CCDC57: variants seen among roughly 807,000 people sequenced by gnomAD.
The protein encoded by CCDC57 is coiled-coil domain-containing protein 57.
Under a neutral mutation model 118.9 loss-of-function variants are expected in CCDC57, and 118 were observed. The observed-to-expected ratio is 0.99, with a 90% CI of 0.86 to 1.16. The LOEUF is 1.16. Among genes scored for constraint, CCDC57 ranks in the 50% most tolerant of loss-of-function variants. The pLI is 0.00. For synonymous variants in CCDC57, 527 were observed against 532.9 expected, an observed-to-expected ratio of 0.99 and a Z score of 0.15; for missense variants, 1,300 against 1,320.7, an observed-to-expected ratio of 0.98 and a Z score of 0.24.
At chr17:82,176,875 T>C (rs1170267366) in intron 11 of CCDC57, among the ~76,000 whole-genome samples, 1 of 150,524 alleles carries the variant, frequency 6.6e-6, no homozygotes, top group Non-Finnish European at 1.5e-5. Context: ...GCTTCTAGGA[T>C]GGTAGAGAGC....
intron 19 of CCDC57, among the ~76,000 whole-genome samples, chr17:82,111,440 G>A (rs1363539117): frequency 6.8e-6 from 1 of 147,912 alleles, no homozygotes; most frequent in Non-Finnish European, 1.5e-5. Flanking sequence ...GCGCAGTGGC[G>A]TGATCGTGGC....
intron 17 of CCDC57, among the ~76,000 whole-genome samples, chr17:82,131,361 G>A (rs1240591338): frequency 6.6e-6 from 1 of 151,584 alleles, no homozygotes; most frequent in Admixed American, 6.6e-5. Context: ...AACCTGGGAG[G>A]CAGAGGTTGC....
chr17:82,117,976 A>G (rs1486740260), intron 19 of CCDC57, among the ~76,000 whole-genome samples: 2 of 152,200 alleles, frequency 1.3e-5, no homozygotes, highest in Non-Finnish European at 2.9e-5. Flanking sequence ...TTAAGAGCTA[A>G]AAACGACAGG....
chr17:82,101,914 A>G, intron 19 of CCDC57, 48 bp from the exon 19 acceptor site: 1 of 1,493,818 alleles, frequency 6.7e-7, no homozygotes, highest in Non-Finnish European at 9.0e-7. Flanking sequence ...TGGCAGGGGG[A>G]GCAGGAGGCT....
At chr17:82,111,766 C>G (rs1598624859) in intron 19 of CCDC57, among the ~76,000 whole-genome samples, 1 of 151,560 alleles carries the variant, frequency 6.6e-6, no homozygotes. Flanking sequence ...GCCACCATGC[C>G]CAGCTAATTT....
chr17:82,128,672 A>G, intron 17 of CCDC57, 75 bp from the exon 17 acceptor site: 1 of 1,188,008 alleles, frequency 8.4e-7, no homozygotes, highest in Non-Finnish European at 1.2e-6. Flanking sequence ...GTTTTCCCAC[A>G]AGATTGGGAA....
At chr17:82,195,790 G>A (rs971421603) in intron 4 of CCDC57, among the ~76,000 whole-genome samples, 1 of 152,094 alleles carries the variant, frequency 6.6e-6, no homozygotes, top group South Asian at 2.1e-4. Context: ...CTGAGATGCC[G>A]GCAGTAGAAC....
intron 11 of CCDC57, among the ~76,000 whole-genome samples, chr17:82,176,516 C>T (rs552561804): frequency 6.7e-4 from 102 of 152,314 alleles, no homozygotes; most frequent in South Asian, 1.2e-3. Flanking sequence ...CCTGTCTACC[C>T]CCACAGCCAC....
At chr17:82,188,541 G>T (rs1484149957) in intron 7 of CCDC57, 122 bp from the exon 7 acceptor site, 2 of 1,043,954 alleles carry the variant, frequency 1.9e-6, no homozygotes, top group African/African-American at 3.2e-5. Context: ...CTGCCTCAAG[G>T]CTTCGCAGCA....
Position 82,126,514 on chromosome 17 carries a change from G to A in CCDC57, c.2899+1178C>T. The A allele has an allele frequency of 8.2e-6, 8 of 980,162 alleles. No individual in the cohort carries two copies. The South Asian group carries it at 2.8e-4, about 35-fold the overall frequency. 60.7% of individuals were successfully genotyped at this position (980,162 alleles called of 1,614,324 possible). ...ATACACAAATGGGCAGGTAACTGAA[G>A]AACAGGGAAAGGAAGTGGCTCCTAA... On this transcript the variant is annotated intron_variant, in intron 19 of 19. Transcript: ENST00000665763.
intron 2 of CCDC57, among the ~76,000 whole-genome samples, chr17:82,204,654 G>A (rs2049393872): frequency 6.6e-6 from 1 of 152,076 alleles, no homozygotes; most frequent in African/African-American, 2.4e-5. Flanking sequence ...GTGGTGGTGG[G>A]CGCCTGTAGT....
chr17:82,151,204 TCCAGAACC>T (rs2041991656), intron 16 of CCDC57, among the ~76,000 whole-genome samples: 1 of 30,882 alleles, frequency 3.2e-5, no homozygotes, highest in African/African-American at 1.5e-4. Flanking sequence ...CAGGCGCACA[TCCAGAACC>T]TGACCCACAC....
intron 9 of CCDC57, among the ~76,000 whole-genome samples, chr17:82,181,719 TGAG>T (rs1460961018): frequency 2.0e-5 from 3 of 152,218 alleles, no homozygotes; most frequent in Admixed American, 6.5e-5. Context: ...GTGCACATAA[TGAG>T]GAGAGAAATT....
At chr17:82,162,962 C>G (rs1162630127) in intron 14 of CCDC57, among the ~76,000 whole-genome samples, 15 of 152,240 alleles carry the variant, frequency 9.9e-5, no homozygotes, top group Admixed American at 9.2e-4. Context: ...CCAGTGCTGC[C>G]TCCACTGCCT....
At chr17:82,188,869 C>G (rs561754287) in intron 7 of CCDC57, among the ~76,000 whole-genome samples, 21 of 152,246 alleles carry the variant, frequency 1.4e-4, no homozygotes, top group Admixed American at 2.0e-4. Flanking sequence ...GCTGTGTTGC[C>G]CAGCCTGGCC....
In CCDC57 at chr17:82,140,844, C is replaced by T. The variant is rs1406939964; in HGVS notation, c.2456-6650G>A. ...GGCAGGTGCATCTGGAGGGCATTGC[C>T]TGGCAGGCCCAGGAACCTGGGCTAG... On this transcript the variant is annotated intron_variant, in intron 16 of 19. Coordinates refer to ENST00000665763, the Ensembl canonical transcript of CCDC57. Among the ~76,000 whole-genome samples, 4 of 152,148 alleles carry T rather than the reference C, an allele frequency of 2.6e-5. No individual in the cohort carries two copies. In the South Asian group the frequency reaches 8.3e-4, roughly 32 times the overall value.
downstream of CCDC57, chr17:82,101,482 ACCTGGTTTTAATGGGC>A: frequency 1.9e-6 from 1 of 538,764 alleles, no homozygotes; most frequent in Non-Finnish European, 3.2e-6. Flanking sequence ...CCAGGGAGGA[ACCTGGTTTTAATGGGC>A]CCTGTGCTCA....
rs147528986 is a variant in CCDC57 at position 82,167,479 on chromosome 17, T to C, written c.1883-4122A>G. The stretch of plus-strand genomic sequence containing the variant: ...GATTCTCCTGCCTCAGCCTCCCAAA[T>C]AGCTGGGATCACAGGTGTCCACCAC... On this transcript the variant is annotated intron_variant, in intron 13 of 19. Coordinates refer to ENST00000665763, the Ensembl canonical transcript of CCDC57. Among the ~76,000 whole-genome samples the C allele has an allele frequency of 1.6e-3, 243 of 151,968 alleles. 3 individuals are homozygous for C. The East Asian group carries it at 0.043, about 27-fold the overall frequency.
chr17:82,204,289 A>C, intron 2 of CCDC57, among the ~76,000 whole-genome samples: 1 of 151,394 alleles, frequency 6.6e-6, no homozygotes. Flanking sequence ...CCATCTCAGC[A>C]CTCTCCCACG....
Sources: allele counts gnomAD v4.1 joint callset (sites outside exome capture counted in the v4.1 genomes callset), GRCh38; gene constraint gnomAD v4.1.1; transcripts MANE v1.5; gene names NCBI Gene and HGNC (gene_info 2026-07-23, HGNC 2026-07-21).